TRIP4: variants seen among roughly 807,000 people sequenced by gnomAD.
TRIP4 encodes activating signal cointegrator 1.
Under a neutral mutation model 81.8 loss-of-function variants are expected in TRIP4, and 54 were observed. The ratio of observed to expected loss-of-function variants is 0.66; its 90% CI spans 0.53 to 0.83. TRIP4 has a LOEUF of 0.83. TRIP4 is among the 40% of genes least tolerant of loss of function. TRIP4 has a pLI of 0.00. For synonymous variants in TRIP4, 270 were observed against 242.8 expected (o/e 1.11, Z -1.04); for missense variants, 662 against 683.6 (o/e 0.97, Z 0.35).
intron 9 of TRIP4, among the ~76,000 whole-genome samples, chr15:64,421,699 A>G (rs1892018819): frequency 6.6e-6 from 1 of 152,158 alleles, no homozygotes; most frequent in Non-Finnish European, 1.5e-5. Context: ...ACTGTGCTCC[A>G]GCTGCCTACA....
intron 10 of TRIP4, among the ~76,000 whole-genome samples, chr15:64,424,840 A>C (rs1892103219): frequency 6.6e-6 from 1 of 151,968 alleles, no homozygotes; most frequent in South Asian, 2.1e-4. Flanking sequence ...CAGTGGCGCC[A>C]TTTCTCCTCA....
chr15:64,387,843 A>T lies in TRIP4; in HGVS notation c.-21A>T. ...GCAGGACGTGGGGCTTTTGCAGCTC[A>T]GCTGGTTCCGGCTGGGGAAGATGGC... On this transcript the variant is annotated 5_prime_UTR_variant, in exon 1 of 13. Transcript: ENST00000261884. 7.1e-6 allele frequency: 11 copies of T among 1,540,398 alleles called. No individual in the cohort carries two copies. Among genetic ancestry groups the T allele is most frequent in the Non-Finnish European group, 9.6e-6 (11 of 1,146,056 alleles).
At chr15:64,438,390 G>C (rs1404583607) in intron 11 of TRIP4, among the ~76,000 whole-genome samples, 1 of 152,192 alleles carries the variant, frequency 6.6e-6, no homozygotes, top group Non-Finnish European at 1.5e-5. Context: ...CACGATCTCA[G>C]CTCACTGCAA....
intron 5 of TRIP4, among the ~76,000 whole-genome samples, chr15:64,401,925 G>A (rs193042549): frequency 9.9e-5 from 15 of 152,224 alleles, no homozygotes; most frequent in African/African-American, 2.6e-4. Context: ...TTGAAGAAAC[G>A]TCACAGATCA....
chr15:64,392,956 A>C (rs1476758480), intron 1 of TRIP4, among the ~76,000 whole-genome samples: 1 of 152,026 alleles, frequency 6.6e-6, no homozygotes, highest in Non-Finnish European at 1.5e-5. Flanking sequence ...AAATTTGTTT[A>C]CCTCTAGAGC....
chr15:64,424,313 G>A (rs1336852920), intron 10 of TRIP4, 158 bp downstream of exon 10: 19 of 983,256 alleles, frequency 1.9e-5, no homozygotes, highest in Non-Finnish European at 2.2e-5. Flanking sequence ...CATTGACAGC[G>A]TTCAAAGCAT....
At chr15:64,426,422 G>A (rs1009140554) in intron 11 of TRIP4, among the ~76,000 whole-genome samples, 5 of 151,982 alleles carry the variant, frequency 3.3e-5, no homozygotes, top group African/African-American at 9.7e-5. Context: ...CTGACAGGTC[G>A]GGCGCAGTGG....
intron 10 of TRIP4, 200 bp downstream of exon 10, chr15:64,424,355 C>A: frequency 1.7e-6 from 1 of 594,472 alleles, no homozygotes; most frequent in Admixed American, 3.5e-5. Flanking sequence ...ATAAAAATAT[C>A]AATTTCCAAC....
intron 11 of TRIP4, among the ~76,000 whole-genome samples, chr15:64,429,362 T>C (rs1408458838): frequency 6.6e-6 from 1 of 152,166 alleles, no homozygotes; most frequent in Non-Finnish European, 1.5e-5. Context: ...AGTTGTCTAA[T>C]CTATTATACC....
chr15:64,406,727 A>G (rs1891630847), intron 6 of TRIP4, among the ~76,000 whole-genome samples: 1 of 152,208 alleles, frequency 6.6e-6, no homozygotes, highest in South Asian at 2.1e-4. Context: ...GTGAGTTGAC[A>G]GAATTCACCA....
chr15:64,444,990 T>G lies in TRIP4; in HGVS notation c.1576-16T>G. On this transcript the variant is annotated splice_polypyrimidine_tract_variant and intron_variant, in intron 11 of 12. Transcript: ENST00000261884. The stretch of plus-strand genomic sequence containing the variant: ...TGTCCCAACTATCCTGAACTTTTTA[T>G]TTTTATATTTCACAGTTTCCAGACA... The G allele has an allele frequency of 7.1e-7, 1 of 1,404,736 alleles. No homozygotes were observed. The highest frequency in any genetic ancestry group is 9.9e-7 in the Non-Finnish European group (1 of 1,008,586). 87.0% of individuals were successfully genotyped at this position (1,404,736 alleles called of 1,614,324 possible).
intron 11 of TRIP4, among the ~76,000 whole-genome samples, chr15:64,435,638 C>T (rs1892375462): frequency 6.7e-6 from 1 of 149,748 alleles, no homozygotes; most frequent in Non-Finnish European, 1.5e-5. Context: ...TACTAAGGAT[C>T]CAGAGTTTTA....
chr15:64,397,207 A>G (rs550282578), intron 3 of TRIP4, among the ~76,000 whole-genome samples: 6 of 152,078 alleles, frequency 3.9e-5, no homozygotes, highest in East Asian at 1.9e-4. Context: ...AGTCAACTTT[A>G]TATTTATTTT....
intron 11 of TRIP4, among the ~76,000 whole-genome samples, chr15:64,435,539 A>AAAAAG (rs1892373118): frequency 6.6e-6 from 1 of 151,138 alleles, no homozygotes; most frequent in Non-Finnish European, 1.5e-5. Flanking sequence ...AAAAAAAAAA[A>AAAAAG]AAATATTATT....
chr15:64,416,564 A>AT (rs1295996869), intron 8 of TRIP4, among the ~76,000 whole-genome samples: 2 of 152,058 alleles, frequency 1.3e-5, no homozygotes, highest in Admixed American at 6.6e-5. Context: ...CTCAAAAAAA[A>AT]TTTTTTTTAA....
chr15:64,409,554 A>G, intron 6 of TRIP4, 59 bp from the exon 7 acceptor site: 1 of 1,518,708 alleles, frequency 6.6e-7, no homozygotes, highest in Non-Finnish European at 9.1e-7. Flanking sequence ...CTGTTTTCCA[A>G]TAATCGGTCC....
chr15:64,389,986 G>A (rs1381608964), intron 1 of TRIP4, among the ~76,000 whole-genome samples: 2 of 149,064 alleles, frequency 1.3e-5, no homozygotes, highest in African/African-American at 2.5e-5. Flanking sequence ...ACAGGCATGA[G>A]CCACCACGCC....
At chr15:64,396,184 C>T (rs193142533) in intron 3 of TRIP4, among the ~76,000 whole-genome samples, 162 of 151,278 alleles carry the variant, frequency 1.1e-3, no homozygotes, top group Admixed American at 3.7e-3. Flanking sequence ...GCTAGGATTA[C>T]AGGCGTGAGC....
intron 11 of TRIP4, among the ~76,000 whole-genome samples, chr15:64,441,172 A>T (rs1892509237): frequency 6.6e-6 from 1 of 151,572 alleles, no homozygotes; most frequent in African/African-American, 2.4e-5. Flanking sequence ...AATTTTTTGT[A>T]TTTTTAGTAG....
Sources: allele counts gnomAD v4.1 joint callset (sites outside exome capture counted in the v4.1 genomes callset), GRCh38; gene constraint gnomAD v4.1.1; transcripts MANE v1.5; gene names NCBI Gene and HGNC (gene_info 2026-07-23, HGNC 2026-07-21).